Variants in NIN observed in about 807,000 individuals in gnomAD.
NIN encodes glycogen synthase kinase 3 beta-interacting protein.
Under a neutral mutation model 257.6 loss-of-function variants are expected in NIN, and 137 were observed. That is an observed-to-expected ratio of 0.53 (90% CI 0.46 to 0.61). The LOEUF (loss-of-function observed/expected upper bound fraction) is 0.61, where lower values mean the gene tolerates loss of function less well. Among genes scored for constraint, NIN ranks in the 20% least tolerant of loss-of-function variants. The pLI is 0.00. For synonymous variants in NIN, 918 were observed against 919.8 expected (o/e 1.00, Z 0.04); for missense variants, 2,439 against 2,501.2 (o/e 0.98, Z 0.53).
rs535699562 is a variant in NIN at position 50,722,291 on chromosome 14, T to A, written c.*1172A>T. ...TGCCAATGATTATCACAGTAAGAAA[T>A]TCTTAGAATCAGATTTGAGGTATAG... On this transcript the variant is annotated 3_prime_UTR_variant, in exon 31 of 31. Transcript: ENST00000530997. The A allele has an allele frequency of 9.0e-6, 2 of 221,592 alleles. No homozygotes were observed. The highest frequency in any genetic ancestry group is 3.7e-4 in the South Asian group (2 of 5,400). 13.7% of individuals were successfully genotyped at this position (221,592 alleles called of 1,614,324 possible).
chr14:50,731,009 G>C, intron 28 of NIN: 1 of 1,207,570 alleles, frequency 8.3e-7, no homozygotes, highest in Non-Finnish European at 1.1e-6. Flanking sequence ...CCACAGACAA[G>C]ACAAAAAGAA....
intron 28 of NIN, among the ~76,000 whole-genome samples, chr14:50,734,934 C>T (rs7154318): frequency 0.21 from 31,991 of 151,320 alleles, 4,137 homozygotes; most frequent in South Asian, 0.35. Flanking sequence ...CATTTGACTG[C>T]CTCAGCCTCC....
intron 3 of NIN, among the ~76,000 whole-genome samples, chr14:50,813,815 T>G (rs549665997): frequency 6.6e-6 from 1 of 152,358 alleles, no homozygotes; most frequent in East Asian, 1.9e-4. Flanking sequence ...CAAAGGTCTA[T>G]GTAACTAATA....
chr14:50,723,142 TAAAA>T lies in NIN; in HGVS notation c.*317_*320del, dbSNP rs4027701. ...ATTTTACACATAGATTTGTAATAATTAAAAAAAAAACCAAAACCACAAAAACTCA... is the reference window on the plus strand; with the variant it reads ...ATTTTACACATAGATTTGTAATAATTAAAAAACCAAAACCACAAAAACTCA... On this transcript the variant is annotated 3_prime_UTR_variant, in exon 31 of 31. Transcript: ENST00000530997. The T allele has an allele frequency of 0.32, 79,725 of 253,008 alleles. 13,706 individuals are homozygous for T. The highest frequency in any genetic ancestry group is 0.39 in the South Asian group (3,233 of 8,254). The allele number at this position is 253,008 out of a possible 1,614,324, so 15.7% of individuals were successfully genotyped here. A position where few individuals can be genotyped will look rare whatever the true frequency, so the allele number is the denominator to read the frequency against.
intron 30 of NIN, 166 bp downstream of exon 30, chr14:50,725,787 G>A: frequency 8.3e-7 from 1 of 1,210,832 alleles, no homozygotes; most frequent in Non-Finnish European, 1.2e-6. Context: ...GTATTTTTTG[G>A]GGTGATATGA....
chr14:50,829,443 C>T (rs1384290750), intron 2 of NIN, among the ~76,000 whole-genome samples: 1 of 152,180 alleles, frequency 6.6e-6, no homozygotes, highest in African/African-American at 2.4e-5. Context: ...ATGGTGTTTA[C>T]GGGGACCTAA....
chr14:50,813,114 C>T (rs984625938), intron 3 of NIN, among the ~76,000 whole-genome samples: 2 of 152,190 alleles, frequency 1.3e-5, no homozygotes, highest in Non-Finnish European at 2.9e-5. Context: ...CCCCTTAGGA[C>T]ACAACCCAGA....
chr14:50,785,917 G>C (rs1247667209), intron 5 of NIN, among the ~76,000 whole-genome samples: 1 of 152,180 alleles, frequency 6.6e-6, no homozygotes, highest in African/African-American at 2.4e-5. Flanking sequence ...TGAACTCCCG[G>C]ACAAGCTCCT....
Position 50,756,617 on chromosome 14 carries a change from T to C in NIN, c.4413A>G (p.Arg1471=). 6.4e-7 allele frequency: 1 copy of C among 1,573,042 alleles called. No homozygotes were observed. Among genetic ancestry groups the C allele is most frequent in the Non-Finnish European group, 8.6e-7 (1 of 1,156,996 alleles). The stretch of plus-strand genomic sequence containing the variant: ...CTTTTTGCTTAACTAAAATAGTGAC[T>C]CTCTCCTTCAACTTCCTAGTCAGCT... The part of the protein sequence containing the change: ...LQELTRKLKE[R]VTILVKQKDV... The change falls in exon 18 of 31, where the codon AGA becomes AGG. Residue 1471 remains arginine (R), a synonymous_variant. Transcript: ENST00000530997.
intron 29 of NIN, among the ~76,000 whole-genome samples, chr14:50,728,945 TTTCA>T (rs1169619402): frequency 2.6e-5 from 4 of 152,238 alleles, no homozygotes; most frequent in African/African-American, 9.6e-5. Flanking sequence ...CACTTGTGAT[TTTCA>T]TGGGATGCAG....
chr14:50,757,933 G>T lies in NIN; in HGVS notation c.3097C>A (p.Gln1033Lys), dbSNP rs375143648. The change falls in exon 18 of 31, where the codon CAG becomes AAG. Residue 1033 changes from glutamine (Q) to lysine (K), a missense_variant. Gln to Lys is a moderately conservative substitution (Grantham distance 53). Transcript: ENST00000530997. ...TCTCCTATCACCTGGCAACCACTCT[G>T]AAGCATTGAGAGAGGAGATGTTGCC... ...QQATSPLSML[Q>K]SGCQVIGEEE... is the part of the protein sequence containing the mutation. 9.9e-6 allele frequency: 16 copies of T among 1,614,048 alleles called. No homozygotes were observed. In the African/African-American group the frequency reaches 1.1e-4, roughly 11 times the overall value.
chr14:50,754,768 T>C lies in NIN; in HGVS notation c.4638A>G (p.Thr1546=), dbSNP rs2041949397. Residue 1546 remains threonine (T), a synonymous_variant, in exon 19 of 31, where the codon ACA becomes ACG. Transcript: ENST00000530997. The part of the protein sequence containing the change: ...EDSISNLKLG[T]LNGSQEEMWQ... ...ACATTTCTTCCTGAGATCCATTTAATGTCCCTAATTTCAGGTTAGAAATGC... is the reference window on the plus strand; with the variant it reads ...ACATTTCTTCCTGAGATCCATTTAACGTCCCTAATTTCAGGTTAGAAATGC... The C allele has an allele frequency of 4.4e-6, 7 of 1,583,914 alleles. No individual in the cohort carries two copies. Among genetic ancestry groups the C allele is most frequent in the South Asian group, 1.2e-5 (1 of 86,772 alleles).
Position 50,752,710 on chromosome 14 carries a change from G to T in NIN, c.4758C>A (p.Asn1586Lys). Residue 1586 changes from asparagine to lysine, a missense_variant, in exon 21 of 31, where the codon AAC (asparagine) becomes AAA (lysine). Physicochemically the swap from Asn to Lys is moderately conservative, Grantham distance 94. This residue lies in a region of NIN where 2,043 missense variants were observed against 2,050.2 expected (regional missense o/e 1.00). Coordinates refer to ENST00000530997, the MANE Select transcript of NIN (RefSeq NM_020921.4). ...KKQISELKIK[N>K]QQLDLENTEL... ...CTGTATTTTCCAAATCCAATTGTTG[G>T]TTTTTGATTTTTAATTCTGAAATCT... 6 of 1,576,658 alleles carry T rather than the reference G, an allele frequency of 3.8e-6. No homozygotes were observed. The highest frequency in any genetic ancestry group is 2.3e-5 in the East Asian group (1 of 43,578).
At chr14:50,743,551 A>G in intron 23 of NIN, 22 bp from the exon 24 acceptor site, 1 of 1,512,772 alleles carries the variant, frequency 6.6e-7, no homozygotes, top group Non-Finnish European at 9.2e-7. Flanking sequence ...AGGGAAAAAG[A>G]GGTAAGAGGG....
intron 24 of NIN, among the ~76,000 whole-genome samples, 189 bp downstream of exon 24, chr14:50,743,226 TC>T (rs2041374274): frequency 6.6e-6 from 1 of 152,116 alleles, no homozygotes; most frequent in South Asian, 2.1e-4. Context: ...CACCTCGGCC[TC>T]CCAAAGTGCT....
rs1038096955 is a variant in NIN, at chr14:50,722,604, G to A, written c.*859C>T. The A allele has an allele frequency of 4.7e-6, 1 of 212,840 alleles. No homozygotes were observed. 13.2% of individuals were successfully genotyped at this position (212,840 alleles called of 1,614,324 possible). A position where few individuals can be genotyped will look rare whatever the true frequency, so the allele number is the denominator to read the frequency against. On this transcript the variant is annotated 3_prime_UTR_variant, in exon 31 of 31. Transcript: ENST00000530997. ...CCTCAAGTAAATTTATGAACTCTAA[G>A]ATTTGAGAGACAGAAAACCTACATG...
rs182604321 is a variant in NIN at position 50,818,489 on chromosome 14, T to G, written c.183+3385A>C. 4.6e-5 allele frequency among the ~76,000 whole-genome samples: 7 copies of G among 152,212 alleles called. No individual in the cohort carries two copies. The East Asian group carries it at 1.4e-3, about 29-fold the overall frequency. On this transcript the variant is annotated intron_variant, in intron 3 of 30. Coordinates refer to ENST00000530997, the MANE Select transcript of NIN (RefSeq NM_020921.4). ...GCTTGGATAAAACTTGGTTCATGGT[T>G]CCCCTCGATTTTTGTAGTATTTGCT...
intron 3 of NIN, among the ~76,000 whole-genome samples, chr14:50,812,952 T>C (rs1566875088): frequency 6.6e-6 from 1 of 152,346 alleles, no homozygotes; most frequent in Admixed American, 6.5e-5. Flanking sequence ...AAGTCTTGCA[T>C]TGATCTTTAT....
chr14:50,770,899 C>T lies in NIN; in HGVS notation c.1212G>A (p.Val404=), dbSNP rs2042703079. The change falls in exon 11 of 31, where the codon GTG becomes GTA. Residue 404 remains valine, a synonymous_variant. Transcript: ENST00000530997. Reference sequence around the variant, plus strand: ...GCTCTATGGCCGCATGGTGATCATCCACCTCCGAGGCCATTAAAGACTTGA... The same window carrying T: ...GCTCTATGGCCGCATGGTGATCATCTACCTCCGAGGCCATTAAAGACTTGA... ...EKLKSLMASE[V]DDHHAAIERR... is the part of the protein sequence containing the mutation. 6.2e-7 allele frequency: 1 copy of T among 1,614,168 alleles called. No individual in the cohort carries two copies. The highest frequency in any genetic ancestry group is 8.5e-7 in the Non-Finnish European group (1 of 1,180,032).
Sources: allele counts gnomAD v4.1 joint callset (sites outside exome capture counted in the v4.1 genomes callset), GRCh38; gene constraint gnomAD v4.1.1; regional missense constraint gnomAD v4.1.1; transcripts MANE v1.5; gene names NCBI Gene and HGNC (gene_info 2026-07-23, HGNC 2026-07-21).